TRAF2: variants seen among roughly 807,000 people sequenced by gnomAD.
TRAF2 encodes the protein TNF receptor associated factor 2.
Under a neutral mutation model 55.6 loss-of-function variants are expected in TRAF2, and 6 were observed. The observed-to-expected ratio is 0.11, with a 90% CI of 0.06 to 0.21. The LOEUF (loss-of-function observed/expected upper bound fraction) is 0.21. TRAF2 is among the 10% of genes least tolerant of loss of function. TRAF2 has a pLI of 1.00. For missense variants in TRAF2, 561 were observed against 684.5 expected, an observed-to-expected ratio of 0.82 and a Z score of 2.01; for synonymous variants, 329 against 276.3, an observed-to-expected ratio of 1.19 and a Z score of -1.89.
chr9:136,908,994 C>T lies in TRAF2; in HGVS notation c.528+763C>T, dbSNP rs1271630134. On this transcript the variant is annotated intron_variant, in intron 5 of 10. Transcript: ENST00000247668. The stretch of plus-strand genomic sequence containing the variant: ...CAGAGGTTGCAGCGAGCCAAGACTG[C>T]ACCACTGCACACTAGCCTGGGCAAC... Among the ~76,000 whole-genome samples the T allele has an allele frequency of 4.0e-5, 6 of 150,528 alleles. No individual in the cohort carries two copies. In the East Asian group the frequency reaches 9.7e-4, roughly 24 times the overall value.
chr9:136,891,210 G>C (rs928716428), intron 1 of TRAF2, among the ~76,000 whole-genome samples: 1 of 152,188 alleles, frequency 6.6e-6, no homozygotes. Context: ...TCAGGTTTGA[G>C]CGATTCTTCT....
At chr9:136,916,782 C>G in intron 7 of TRAF2, 167 bp downstream of exon 7, 1 of 660,950 alleles carries the variant, frequency 1.5e-6, no homozygotes, top group Middle Eastern at 4.0e-4. Context: ...GGTCTCTGGG[C>G]TGGCAGCCCT....
chr9:136,889,225 T>G (rs1849523694), intron 1 of TRAF2, among the ~76,000 whole-genome samples: 1 of 150,852 alleles, frequency 6.6e-6, no homozygotes, highest in Non-Finnish European at 1.5e-5. Context: ...TTCTGTTTTT[T>G]TTTTTTTTTT....
rs1849450698 is a variant in TRAF2, at chr9:136,886,524, G to A, written c.-46G>A. On this transcript the variant is annotated 5_prime_UTR_variant, in exon 1 of 11. Transcript: ENST00000247668. ...TAGCTGGGCGGGCCCTTAGTTCCGG[G>A]CGCGCTGCGACCGTTGGGTGAGGCG... The A allele has an allele frequency of 1.0e-6, 1 of 990,056 alleles. No homozygotes were observed. Among genetic ancestry groups the A allele is most frequent in the African/African-American group, 1.7e-5 (1 of 57,174 alleles). The allele number at this position is 990,056 out of a possible 1,614,324, so 61.3% of individuals were successfully genotyped here.
In TRAF2 at chr9:136,898,843, T is replaced by C; in HGVS notation, c.103T>C (p.Ser35Pro). 1 of 1,613,702 alleles carries C rather than the reference T, an allele frequency of 6.2e-7. No individual in the cohort carries two copies. Among genetic ancestry groups the C allele is most frequent in the Non-Finnish European group, 8.5e-7 (1 of 1,180,022 alleles). ...CAAGCTGGAAGCCAAGTACCTGTGC[T>C]CCGCCTGCAGAAACGTCCTCCGCAG... ...GTKLEAKYLC[S>P]ACRNVLRRPF... Residue 35 changes from serine (S) to proline (P), a missense_variant, in exon 2 of 11, where the codon TCC becomes CCC. Transcript: ENST00000247668.
intron 9 of TRAF2, 90 bp downstream of exon 9, chr9:136,921,305 A>G (rs1416475432): frequency 1.3e-6 from 2 of 1,526,700 alleles, no homozygotes; most frequent in East Asian, 2.3e-5. Flanking sequence ...GATGGCTCCC[A>G]AGGGTGGGGC....
chr9:136,914,708 T>C (rs1434615225), intron 6 of TRAF2, among the ~76,000 whole-genome samples: 1 of 152,178 alleles, frequency 6.6e-6, no homozygotes, highest in Non-Finnish European at 1.5e-5. Flanking sequence ...CTGAGTCTGA[T>C]CCATGGCAAA....
chr9:136,914,135 C>T (rs931236634), intron 6 of TRAF2, among the ~76,000 whole-genome samples: 2 of 152,174 alleles, frequency 1.3e-5, no homozygotes, highest in East Asian at 1.9e-4. Context: ...GGGTTGCCCT[C>T]CTGCCCTCAC....
chr9:136,924,008 C>T lies in TRAF2; in HGVS notation c.1287+8C>T, dbSNP rs368391316. On this transcript the variant is annotated splice_region_variant and intron_variant, in intron 10 of 10. Transcript: ENST00000247668. The stretch of plus-strand genomic sequence containing the variant: ...TGGCCCTTCAACCAGAAGGTGAGGC[C>T]GTCCCTGCAGGCTTCGCTAGGGCCG... 137 of 1,612,166 alleles carry T rather than the reference C, an allele frequency of 8.5e-5. 3 individuals carry two copies. The highest frequency in any genetic ancestry group is 7.7e-4 in the South Asian group (70 of 90,970).
intron 1 of TRAF2, among the ~76,000 whole-genome samples, chr9:136,887,841 A>C (rs1393257087): frequency 2.0e-5 from 3 of 152,132 alleles, no homozygotes; most frequent in Non-Finnish European, 4.4e-5. Context: ...TTGAGCCTGA[A>C]AAAGATGGGG....
At chr9:136,909,086 A>G (rs550688981) in intron 5 of TRAF2, among the ~76,000 whole-genome samples, 1 of 152,080 alleles carries the variant, frequency 6.6e-6, no homozygotes, top group South Asian at 2.1e-4. Flanking sequence ...TGTTTTTAGG[A>G]CAAAAAAGCA....
chr9:136,891,015 A>T (rs1849570852), intron 1 of TRAF2, among the ~76,000 whole-genome samples: 1 of 152,150 alleles, frequency 6.6e-6, no homozygotes. Flanking sequence ...GGGACCACAG[A>T]TGCGAGATCC....
In TRAF2 at chr9:136,908,135, C is replaced by T. The variant is rs1190261447; in HGVS notation, c.432C>T (p.Arg144=). The T allele has an allele frequency of 6.2e-7, 1 of 1,605,570 alleles. No individual in the cohort carries two copies. The highest frequency in any genetic ancestry group is 8.5e-7 in the Non-Finnish European group (1 of 1,179,942). ...TECPACKGLV[R]LGEKERHLEH... is the part of the protein sequence containing the mutation. ...GTCCCGCGTGCAAAGGCCTGGTCCG[C>T]CTTGGTGAAAAGGAGCGCCACCTGG... is the stretch of plus-strand genomic sequence containing the variant. The change falls in exon 5 of 11, where the codon CGC becomes CGT. Residue 144 remains arginine (R), a synonymous_variant. Coordinates refer to ENST00000247668, the MANE Select transcript of TRAF2 (RefSeq NM_021138.4).
At chr9:136,885,800 T>C (rs1044413401), upstream of TRAF2, among the ~76,000 whole-genome samples, 1 of 151,504 alleles carries the variant, frequency 6.6e-6, no homozygotes, top group Non-Finnish European at 1.5e-5. Context: ...CACAACCCAG[T>C]AGATTAGCAC....
In TRAF2 at chr9:136,926,080, C is replaced by A; in HGVS notation, c.*179C>A. 1.2e-6 allele frequency: 1 copy of A among 823,604 alleles called. No homozygotes were observed. The highest frequency in any genetic ancestry group is 1.7e-5 in the Admixed American group (1 of 57,154). 51.0% of individuals were successfully genotyped at this position (823,604 alleles called of 1,614,324 possible). A position where few individuals can be genotyped will look rare whatever the true frequency, so the allele number is the denominator to read the frequency against. On this transcript the variant is annotated 3_prime_UTR_variant, in exon 11 of 11. Coordinates refer to ENST00000247668, the MANE Select transcript of TRAF2 (RefSeq NM_021138.4). ...ACGGGGGAAGGAGCCACCAGCCAGT[C>A]CTCAGATTTCAGAGACTGCGGAGGG... is the stretch of plus-strand genomic sequence containing the variant.
intron 9 of TRAF2, 81 bp from the exon 10 acceptor site, chr9:136,923,771 G>A: frequency 6.7e-7 from 1 of 1,489,150 alleles, no homozygotes; most frequent in South Asian, 1.2e-5. Context: ...TTTGTCCCTG[G>A]GGGAGGGCAG....
At chr9:136,909,050 A>G (rs1020121582) in intron 5 of TRAF2, among the ~76,000 whole-genome samples, 4 of 150,452 alleles carry the variant, frequency 2.7e-5, no homozygotes, top group Non-Finnish European at 4.4e-5. Context: ...AAAAAAAAAA[A>G]AGAAAAAAAA....
rs372984709 is a variant in TRAF2, at chr9:136,916,627, G to T, written c.678+12G>T. On this transcript the variant is annotated intron_variant, in intron 7 of 10. Transcript: ENST00000247668. ...GCTGCCTCGAGACGGTGAGTCGGGG[G>T]GTCTGAGGTTGGGGGCCACCCCTCA... 67 of 1,613,340 alleles carry T rather than the reference G, an allele frequency of 4.2e-5. No individual in the cohort carries two copies. In the African/African-American group the frequency reaches 7.7e-4, roughly 19 times the overall value.
chr9:136,895,990 C>G (rs919929996), intron 1 of TRAF2, among the ~76,000 whole-genome samples: 4 of 152,184 alleles, frequency 2.6e-5, no homozygotes, highest in African/African-American at 9.7e-5. Flanking sequence ...GTCCCTGCCT[C>G]CCTGGGCTGC....
Sources: gnomAD v4.1 joint callset for allele counts (sites outside exome capture counted in the v4.1 genomes callset) on GRCh38, gnomAD v4.1.1 for gene constraint, MANE v1.5 for transcripts, NCBI Gene and HGNC (gene_info 2026-07-23, HGNC 2026-07-21) for gene names.